The following KLHL42 variants were observed in gnomAD, a reference collection of about 807,000 sequenced individuals.
The protein encoded by KLHL42 is kelch like family member 42.
In KLHL42, 27 loss-of-function variants were observed where a neutral mutation model predicts 32.7. The ratio of observed to expected loss-of-function variants is 0.83; its 90% CI spans 0.61 to 1.14. The LOEUF is 1.14. Among genes scored for constraint, KLHL42 ranks in the 50% most tolerant of loss-of-function variants. The pLI is 0.00. For missense variants in KLHL42, 491 were observed against 560.8 expected (o/e 0.88, Z 1.26); for synonymous variants, 267 against 248.2 (o/e 1.08, Z -0.71).
Position 27,797,734 on chromosome 12 carries a change from G to A in KLHL42, c.1086G>A (p.Leu362=), listed in dbSNP as rs890431593. 1.4e-6 allele frequency: 1 copy of A among 698,672 alleles called. No individual in the cohort carries two copies. The allele number at this position is 698,672 out of a possible 1,614,324, so 43.3% of individuals were successfully genotyped here. Reference sequence around the variant, plus strand: ...TTTCAGACCGGAACATGAACATTTTGCAGTACTGCCCCTCTTCCGACATGT... The same window carrying A: ...TTTCAGACCGGAACATGAACATTTTACAGTACTGCCCCTCTTCCGACATGT... ...YTTRDRNMNI[L]QYCPSSDMWT... The change falls in exon 3 of 3, where the codon TTG becomes TTA. Residue 362 remains leucine, a synonymous_variant. Coordinates refer to ENST00000381271, the MANE Select transcript of KLHL42 (RefSeq NM_020782.2).
chr12:27,792,056 A>G, intron 2 of KLHL42, 155 bp downstream of exon 2: 3 of 602,034 alleles, frequency 5.0e-6, no homozygotes, highest in Admixed American at 3.0e-5. Context: ...AGAGTTCCAT[A>G]TGGCAGGGAT....
intron 2 of KLHL42, 33 bp downstream of exon 2, chr12:27,791,934 A>G: frequency 1.9e-6 from 3 of 1,597,600 alleles, no homozygotes; most frequent in South Asian, 2.2e-5. Context: ...TGGTCTGCCC[A>G]TGTGTAGGCG....
chr12:27,793,782 A>G (rs763625344), intron 2 of KLHL42, among the ~76,000 whole-genome samples: 34 of 152,314 alleles, frequency 2.2e-4, no homozygotes, highest in Non-Finnish European at 3.5e-4. Flanking sequence ...ACATTATGGT[A>G]GTAGACCTGC....
At chr12:27,790,578 A>G (rs1284044617) in intron 1 of KLHL42, among the ~76,000 whole-genome samples, 32 of 152,332 alleles carry the variant, frequency 2.1e-4, no homozygotes, top group Admixed American at 2.0e-3. Context: ...CAAAAATCAT[A>G]AGACTTATTT....
At chr12:27,795,046 C>T (rs1158393479) in intron 2 of KLHL42, among the ~76,000 whole-genome samples, 2 of 152,078 alleles carry the variant, frequency 1.3e-5, no homozygotes, top group African/African-American at 4.8e-5. Flanking sequence ...GTAGTAATCC[C>T]CCTCTCTCGT....
At chr12:27,786,996 A>T (rs1035442664) in intron 1 of KLHL42, among the ~76,000 whole-genome samples, 2 of 151,606 alleles carry the variant, frequency 1.3e-5, no homozygotes, top group East Asian at 2.0e-4. Flanking sequence ...AAGTGCTGGG[A>T]TTATAGACAT....
rs778893291 is a variant in KLHL42 at position 27,798,066 on chromosome 12, A to G, written c.1418A>G (p.Asn473Ser). Residue 473 changes from asparagine (N) to serine (S), a missense_variant, in exon 3 of 3, where the codon AAC becomes AGC. Around this residue, in one of 4 missense-constraint regions of KLHL42, gnomAD observed 152 missense variants for 125.9 expected, o/e 1.21. Coordinates refer to ENST00000381271, the MANE Select transcript of KLHL42 (RefSeq NM_020782.2). ...GAACACCGAGTGTTCCTCAAGTACAACATCTTTTCAGATAGTTGGGAAGCA... is the reference window on the plus strand; with the variant it reads ...GAACACCGAGTGTTCCTCAAGTACAGCATCTTTTCAGATAGTTGGGAAGCA... ...SLEHRVFLKY[N>S]IFSDSWEAFR... 3 of 780,964 alleles carry G rather than the reference A, an allele frequency of 3.8e-6. No individual in the cohort carries two copies. Among genetic ancestry groups the G allele is most frequent in the Non-Finnish European group, 7.2e-6 (3 of 418,146 alleles). 48.4% of individuals were successfully genotyped at this position (780,964 alleles called of 1,614,324 possible).
chr12:27,780,927 C>T lies in KLHL42; in HGVS notation c.597C>T (p.Leu199=). 9 of 1,605,176 alleles carry T rather than the reference C, an allele frequency of 5.6e-6. No homozygotes were observed. Among genetic ancestry groups the T allele is most frequent in the Non-Finnish European group, 7.7e-6 (9 of 1,173,272 alleles). ...CTGGGACTCCTGTCCTCGTGGCCCT[C>T]GGGGACTTCCTGGGGGGACCCCTGG... ...RMTGTPVLVA[L]GDFLGGPLAP... is the part of the protein sequence containing the mutation. Residue 199 remains leucine, a synonymous_variant, in exon 1 of 3, where the codon CTC becomes CTT. Coordinates refer to ENST00000381271, the MANE Select transcript of KLHL42 (RefSeq NM_020782.2). This position sits in a 1 kb window ranked among gnomAD's most constrained non-coding sequence, Gnocchi z 8.8.
At chr12:27,796,461 G>T (rs2062218992) in intron 2 of KLHL42, among the ~76,000 whole-genome samples, 1 of 152,130 alleles carries the variant, frequency 6.6e-6, no homozygotes, top group Non-Finnish European at 1.5e-5. Context: ...AGTTCATTCT[G>T]TTTATAACTC....
intron 1 of KLHL42, among the ~76,000 whole-genome samples, chr12:27,791,042 C>T (rs1207617203): frequency 2.6e-5 from 4 of 152,206 alleles, no homozygotes; most frequent in African/African-American, 9.6e-5. Context: ...GCCTGGGTGA[C>T]AGAGCAAGAC....
In KLHL42 at chr12:27,798,186, G is replaced by A; in HGVS notation, c.*20G>A. ...ACATGACTGAATTGAATTGGTAGAT[G>A]AAAAAAACCTGGTTCAAGTTTTTTT... On this transcript the variant is annotated 3_prime_UTR_variant, in exon 3 of 3. Coordinates refer to ENST00000381271, the MANE Select transcript of KLHL42 (RefSeq NM_020782.2). 1 of 755,640 alleles carries A rather than the reference G, an allele frequency of 1.3e-6. No homozygotes were observed. The highest frequency in any genetic ancestry group is 1.8e-5 in the Admixed American group (1 of 55,094). The allele number at this position is 755,640 out of a possible 1,614,324, so 46.8% of individuals were successfully genotyped here. A position where few individuals can be genotyped will look rare whatever the true frequency, so the allele number is the denominator to read the frequency against.
At position 27,780,251 on chromosome 12, in the gene KLHL42, C is replaced by T. The variant is rs2062139035; in HGVS notation, c.-80C>T. The T allele has an allele frequency of 7.5e-7, 1 of 1,331,038 alleles. No homozygotes were observed. Among genetic ancestry groups the T allele is most frequent in the South Asian group, 2.0e-5 (1 of 49,800 alleles). 82.5% of individuals were successfully genotyped at this position (1,331,038 alleles called of 1,614,324 possible). A position where few individuals can be genotyped will look rare whatever the true frequency, so the allele number is the denominator to read the frequency against. On this transcript the variant is annotated 5_prime_UTR_variant, in exon 1 of 3. Coordinates refer to ENST00000381271, the MANE Select transcript of KLHL42 (RefSeq NM_020782.2). The surrounding 1 kb of genome is among the most constrained non-coding windows in gnomAD (Gnocchi z 8.8). ...GGCCGCCATCCCTCGGCGCCCCGCC[C>T]GGAACCGGCGCGCGCGTAGGGGCTG...
At chr12:27,781,259 C>T in intron 1 of KLHL42, 57 bp downstream of exon 1, 1 of 1,570,926 alleles carries the variant, frequency 6.4e-7, no homozygotes, top group South Asian at 1.2e-5. Context: ...TTCATTAGTT[C>T]ATTACCCCAG....
At position 27,799,593 on chromosome 12, in the gene KLHL42, T is replaced by A. The variant is rs1220789464; in HGVS notation, c.*1427T>A. The A allele has an allele frequency of 6.6e-6, 1 of 152,456 alleles. No homozygotes were observed. 9.4% of individuals were successfully genotyped at this position (152,456 alleles called of 1,614,324 possible). A position where few individuals can be genotyped will look rare whatever the true frequency, so the allele number is the denominator to read the frequency against. On this transcript the variant is annotated 3_prime_UTR_variant, in exon 3 of 3. Coordinates refer to ENST00000381271, the MANE Select transcript of KLHL42 (RefSeq NM_020782.2). The stretch of plus-strand genomic sequence containing the variant: ...GCGAATTCATGCATTCAACAAACAC[T>A]TATGAGTGCCTGGAGTATGCCGTCC...
chr12:27,790,862 TAGTG>T (rs957551376), intron 1 of KLHL42, among the ~76,000 whole-genome samples: 2 of 152,228 alleles, frequency 1.3e-5, no homozygotes, highest in Admixed American at 1.3e-4. Context: ...TTGGACAACA[TAGTG>T]AGATGCCATC....
At chr12:27,795,506 TC>T (rs1196756394) in intron 2 of KLHL42, among the ~76,000 whole-genome samples, 1 of 152,216 alleles carries the variant, frequency 6.6e-6, no homozygotes, top group Non-Finnish European at 1.5e-5. Context: ...AAACTAGTTT[TC>T]TAAGATGGGA....
rs766641437 is a variant in KLHL42 at position 27,781,035 on chromosome 12, C to T, written c.705C>T (p.Asn235=). The change falls in exon 1 of 3, where the codon AAC becomes AAT. Residue 235 remains asparagine (N), a synonymous_variant. Coordinates refer to ENST00000381271, the MANE Select transcript of KLHL42 (RefSeq NM_020782.2). The stretch of plus-strand genomic sequence containing the variant: ...AGCGTTGGTTCCCGCTGGCCAACAA[C>T]CTTCCTCCCGACCTGGTCAATGTCA... The part of the protein sequence containing the change: ...MTERWFPLAN[N]LPPDLVNVRG... 11 of 1,613,170 alleles carry T rather than the reference C, an allele frequency of 6.8e-6. No individual in the cohort carries two copies. In the East Asian group the frequency reaches 1.8e-4, roughly 26 times the overall value.
intron 1 of KLHL42, among the ~76,000 whole-genome samples, chr12:27,783,880 G>A (rs920597768): frequency 2.0e-5 from 3 of 152,054 alleles, no homozygotes; most frequent in Non-Finnish European, 2.9e-5. Flanking sequence ...CACCGCGCCC[G>A]GCCTTACCTC....
Position 27,780,937 on chromosome 12 carries a change from C to T in KLHL42, c.607C>T (p.Leu203=), listed in dbSNP as rs551232636. 179 of 1,604,018 alleles carry T rather than the reference C, an allele frequency of 1.1e-4. 2 individuals carry two copies. In the South Asian group the frequency reaches 1.8e-3, roughly 16 times the overall value. ...TGTCCTCGTGGCCCTCGGGGACTTCCTGGGGGGACCCCTGGCCCCTCACCC... is the reference window on the plus strand; with the variant it reads ...TGTCCTCGTGGCCCTCGGGGACTTCTTGGGGGGACCCCTGGCCCCTCACCC... ...TPVLVALGDF[L]GGPLAPHPYQ... The change falls in exon 1 of 3, where the codon CTG becomes TTG. Residue 203 remains leucine (L), a synonymous_variant. Coordinates refer to ENST00000381271, the MANE Select transcript of KLHL42 (RefSeq NM_020782.2). This position sits in a 1 kb window ranked among gnomAD's most constrained non-coding sequence, Gnocchi z 8.8.
Sources: gnomAD v4.1 joint callset for allele counts (sites outside exome capture counted in the v4.1 genomes callset) on GRCh38, gnomAD v4.1.1 for gene constraint, gnomAD v4.1.1 regional missense constraint, Gnocchi (gnomAD v3.1) non-coding constraint, MANE v1.5 for transcripts, NCBI Gene and HGNC (gene_info 2026-07-23, HGNC 2026-07-21) for gene names.